PC: variants seen among roughly 807,000 people sequenced by gnomAD.
The protein encoded by PC is pyruvate carboxylase, mitochondrial.
A neutral mutation model predicts 107.8 loss-of-function variants in PC; 46 were observed. The ratio of observed to expected loss-of-function variants is 0.43; its 90% CI spans 0.34 to 0.55. PC has a LOEUF of 0.55. PC is among the 20% of genes least tolerant of loss of function. The pLI, the probability that PC is intolerant of heterozygous loss-of-function variation, is 0.04. For missense variants in PC, 1,241 were observed against 1,643.1 expected, an observed-to-expected ratio of 0.76 and a Z score of 4.23; for synonymous variants, 662 against 684.7, an observed-to-expected ratio of 0.97 and a Z score of 0.52.
At chr11:66,868,595 A>G (rs191305155) in intron 10 of PC, among the ~76,000 whole-genome samples, 47 of 152,320 alleles carry the variant, frequency 3.1e-4, no homozygotes, top group African/African-American at 1.1e-3. Context: ...GGCCTGAGCA[A>G]TCGGCAGCGT....
chr11:66,916,350 T>A (rs1444411992), intron 3 of PC, among the ~76,000 whole-genome samples: 2 of 152,162 alleles, frequency 1.3e-5, no homozygotes, highest in African/African-American at 4.8e-5. Flanking sequence ...CCTCCCACAG[T>A]GCTGGGATTA....
chr11:66,949,888 A>AG (rs1949397316), intron 3 of PC, among the ~76,000 whole-genome samples: 1 of 152,136 alleles, frequency 6.6e-6, no homozygotes, highest in South Asian at 2.1e-4. Context: ...ATAAAAATCC[A>AG]GGGGTAGGAG....
chr11:66,858,724 G>A lies in PC; in HGVS notation c.1368+5050C>T, dbSNP rs1437169327. ...GACCGGTTGGTTGGCAACTCCTCCC[G>A]AGCCCGGGCTTTCCCCAACGGGACC... On this transcript the variant is annotated intron_variant, in intron 12 of 22. Transcript: ENST00000393960. This position sits in a 1 kb window ranked among gnomAD's most constrained non-coding sequence, Gnocchi z 5.9. 5.8e-6 allele frequency: 9 copies of A among 1,552,946 alleles called. No homozygotes were observed. Among genetic ancestry groups the A allele is most frequent in the East Asian group, 2.4e-5 (1 of 41,466 alleles).
At chr11:66,946,801 A>G (rs1464602296) in intron 3 of PC, among the ~76,000 whole-genome samples, 2 of 152,140 alleles carry the variant, frequency 1.3e-5, no homozygotes, top group African/African-American at 4.8e-5. Context: ...AACAAAAAAC[A>G]TGTAACTGAG....
chr11:66,924,369 CAAAAAAAA>C (rs71045970), intron 3 of PC, among the ~76,000 whole-genome samples: 15 of 65,564 alleles, frequency 2.3e-4, no homozygotes, highest in Admixed American at 1.8e-3. Flanking sequence ...CCATCTCTAC[CAAAAAAAA>C]AAAAAAAAAA....
intron 12 of PC, among the ~76,000 whole-genome samples, chr11:66,854,759 G>C (rs1169027390): frequency 2.0e-5 from 3 of 152,196 alleles, no homozygotes; most frequent in Non-Finnish European, 4.4e-5. Flanking sequence ...ATTACCTGGA[G>C]GCCTGGACAG....
At chr11:66,928,603 G>A (rs530801980) in intron 3 of PC, among the ~76,000 whole-genome samples, 1 of 152,182 alleles carries the variant, frequency 6.6e-6, no homozygotes, top group South Asian at 2.1e-4. Context: ...TCAGCTCACT[G>A]CAACCTCCGC....
At position 66,902,881 on chromosome 11, in the gene PC, C is replaced by T. The variant is rs566866934; in HGVS notation, c.1-30722G>A. 8.5e-5 allele frequency among the ~76,000 whole-genome samples: 13 copies of T among 152,356 alleles called. No homozygotes were observed. In the South Asian group the frequency reaches 2.7e-3, roughly 32 times the overall value. ...TTTGGAGTTCTGCAAATAGCAAGAG[C>T]TTCCAGTTTGCCTTTACCCTAAAAT... On this transcript the variant is annotated intron_variant, in intron 3 of 22. Coordinates refer to ENST00000393960, the MANE Select transcript of PC (RefSeq NM_001040716.2).
Position 66,852,137 on chromosome 11 carries a change from C to T in PC, c.1826-191G>A, listed in dbSNP as rs1945538378. ...TGATCTCTAAGGGGGAGACCAGGCT[C>T]ATTTGTGTCCCTTCTATGCCCCCTT... On this transcript the variant is annotated intron_variant, in intron 15 of 22. Transcript: ENST00000393960. This position sits in a 1 kb window ranked among gnomAD's most constrained non-coding sequence, Gnocchi z 4.7. 6.6e-6 allele frequency among the ~76,000 whole-genome samples: 1 copy of T among 152,214 alleles called. No individual in the cohort carries two copies.
At chr11:66,925,053 T>C (rs564438635) in intron 3 of PC, among the ~76,000 whole-genome samples, 71 of 152,134 alleles carry the variant, frequency 4.7e-4, no homozygotes, top group Non-Finnish European at 9.6e-4. Context: ...AGTGTACTAA[T>C]AGGGTGTGGG....
chr11:66,898,880 CTTTTT>C lies in PC; in HGVS notation c.1-26726_1-26722del, dbSNP rs371464248. Among the ~76,000 whole-genome samples the C allele has an allele frequency of 7.1e-4, 108 of 152,080 alleles. 3 individuals carry two copies. The South Asian group carries it at 0.021, about 30-fold the overall frequency. ...CTATTCTGGACATTTCTTTTCTTTT[CTTTTT>C]TAAGATGGAGTTTCGCTCTTGTTGC... On this transcript the variant is annotated intron_variant, in intron 3 of 22. Coordinates refer to ENST00000393960, the MANE Select transcript of PC (RefSeq NM_001040716.2).
At chr11:66,853,454 G>A in intron 12 of PC, 71 bp from the exon 13 acceptor site, 1 of 1,584,726 alleles carries the variant, frequency 6.3e-7, no homozygotes, top group Non-Finnish European at 8.6e-7. Flanking sequence ...AGAAAAGGCT[G>A]AAAGAGAAAA....
At position 66,857,253 on chromosome 11, in the gene PC, C is replaced by T. The variant is rs1201340671; in HGVS notation, c.1369-3870G>A. 1 of 147,904 alleles carries T rather than the reference C, an allele frequency of 6.8e-6. No homozygotes were observed. 9.2% of individuals were successfully genotyped at this position (147,904 alleles called of 1,614,324 possible). On this transcript the variant is annotated intron_variant, in intron 12 of 22. Transcript: ENST00000393960. This position sits in a 1 kb window ranked among gnomAD's most constrained non-coding sequence, Gnocchi z 7.1. ...CAGGAGTCGGCGGGGGCCGGCCGGG[C>T]TCGCAGGGAGGCCGGCCCGCGCCCC...
chr11:66,850,676 G>A lies in PC; in HGVS notation c.2471C>T (p.Thr824Ile), dbSNP rs1377440494. The A allele has an allele frequency of 1.2e-6, 2 of 1,608,904 alleles. No individual in the cohort carries two copies. The highest frequency in any genetic ancestry group is 3.3e-4 in the Middle Eastern group (2 of 6,014). ...VACTRGTPLD[T>I]EVPMERVFDY... The stretch of plus-strand genomic sequence containing the variant: ...CCACGGGCTGCTGTTCTTCCTACCT[G>A]TGTCCAGGGGAGTCCCTCTGGTACA... The change falls in exon 18 of 23, where the codon ACA becomes ATA. Residue 824 changes from threonine (T) to isoleucine (I), a missense_variant and splice_region_variant. Thr to Ile is a moderately conservative substitution (Grantham distance 89). Transcript: ENST00000393960.
chr11:66,915,124 G>A (rs1238661295), intron 3 of PC, among the ~76,000 whole-genome samples: 1 of 142,422 alleles, frequency 7.0e-6, no homozygotes, highest in African/African-American at 2.5e-5. Flanking sequence ...GACAGCTCCA[G>A]CAACCAGACT....
intron 3 of PC, among the ~76,000 whole-genome samples, chr11:66,923,600 G>A (rs908949280): frequency 2.0e-5 from 3 of 151,690 alleles, no homozygotes; most frequent in African/African-American, 2.4e-5. Flanking sequence ...TGCAACCTCC[G>A]CCTCCCAGAT....
At chr11:66,884,925 G>C (rs965721012) in intron 3 of PC, among the ~76,000 whole-genome samples, 2 of 152,170 alleles carry the variant, frequency 1.3e-5, no homozygotes, top group African/African-American at 2.4e-5. Context: ...GACACTTGCA[G>C]GTGGCCCAGG....
chr11:66,878,019 A>T (rs1233311593), intron 3 of PC, among the ~76,000 whole-genome samples: 1 of 152,288 alleles, frequency 6.6e-6, no homozygotes, highest in East Asian at 1.9e-4. Flanking sequence ...TTAGAAAAAA[A>T]AGAAGAAATA....
chr11:66,854,161 T>C (rs1339758420), intron 12 of PC, among the ~76,000 whole-genome samples: 2 of 152,220 alleles, frequency 1.3e-5, no homozygotes, highest in African/African-American at 4.8e-5. Context: ...ACCACGGCCA[T>C]TTTGGGACCT....
Sources: allele counts gnomAD v4.1 joint callset (sites outside exome capture counted in the v4.1 genomes callset), GRCh38; gene constraint gnomAD v4.1.1; non-coding constraint Gnocchi (gnomAD v3.1); transcripts MANE v1.5; gene names NCBI Gene and HGNC (gene_info 2026-07-23, HGNC 2026-07-21).